Variants in YWHAG observed in about 807,000 individuals in gnomAD.
The protein encoded by YWHAG is tyrosine 3-monooxygenase/tryptophan 5-monooxygenase activation protein gamma, also known as 14-3-3 protein gamma.
A neutral mutation model predicts 23.3 loss-of-function variants in YWHAG; 1 was observed. The ratio of observed to expected loss-of-function variants is 0.04; its 90% CI spans 0.02 to 0.20. YWHAG has a LOEUF of 0.20. Among genes scored for constraint, YWHAG ranks in the 10% least tolerant of loss-of-function variants. The probability of loss-of-function intolerance (pLI) is 1.00; values close to 1 mark genes in which losing one functional copy is unlikely to be tolerated. For missense variants in YWHAG, 151 were observed against 338.6 expected, an observed-to-expected ratio of 0.45 and a Z score of 4.35; for synonymous variants, 160 against 144.0, an observed-to-expected ratio of 1.11 and a Z score of -0.80.
At chr7:76,332,368 G>T (rs529171204) in intron 1 of YWHAG, among the ~76,000 whole-genome samples, 1 of 152,136 alleles carries the variant, frequency 6.6e-6, no homozygotes, top group Non-Finnish European at 1.5e-5. Flanking sequence ...CACAAATAAC[G>T]GAAGATTGGG....
At chr7:76,353,875 C>A (rs78735221) in intron 1 of YWHAG, among the ~76,000 whole-genome samples, 1,896 of 151,770 alleles carry the variant, frequency 0.012, 41 homozygotes, top group African/African-American at 0.043. Flanking sequence ...TCAAGACCAG[C>A]CTGGACAACA....
At chr7:76,354,058 C>CA (rs750620902) in intron 1 of YWHAG, among the ~76,000 whole-genome samples, 9,652 of 48,874 alleles carry the variant, frequency 0.2, 811 homozygotes, top group African/African-American at 0.33. Context: ...GACCTTGCCT[C>CA]AAAAAAAAAA....
At chr7:76,334,558 G>C (rs1803590688) in intron 1 of YWHAG, among the ~76,000 whole-genome samples, 1 of 151,044 alleles carries the variant, frequency 6.6e-6, no homozygotes, top group African/African-American at 2.4e-5. Flanking sequence ...TGGGACTACA[G>C]GCATCTACCA....
At chr7:76,357,081 C>T (rs539229155) in intron 1 of YWHAG, among the ~76,000 whole-genome samples, 23 of 152,268 alleles carry the variant, frequency 1.5e-4, no homozygotes, top group African/African-American at 5.5e-4. Context: ...CTAAATAACA[C>T]GAACTGAAGA....
At chr7:76,352,394 C>G (rs1007159473) in intron 1 of YWHAG, among the ~76,000 whole-genome samples, 15 of 152,108 alleles carry the variant, frequency 9.9e-5, no homozygotes, top group African/African-American at 3.6e-4. Context: ...GGATCAGTGA[C>G]TCCTCTTCAG....
intron 1 of YWHAG, among the ~76,000 whole-genome samples, chr7:76,346,341 T>A (rs1241172242): frequency 6.6e-6 from 1 of 152,236 alleles, no homozygotes; most frequent in Non-Finnish European, 1.5e-5. Context: ...GTGACCTTTG[T>A]TCTGCATGGT....
intron 1 of YWHAG, among the ~76,000 whole-genome samples, chr7:76,351,585 T>C (rs1451018102): frequency 1.3e-5 from 2 of 152,144 alleles, no homozygotes; most frequent in Non-Finnish European, 2.9e-5. Flanking sequence ...CCACCTGAGC[T>C]CCGCCTCCTG....
chr7:76,330,689 T>A (rs1803529861), intron 1 of YWHAG, among the ~76,000 whole-genome samples: 1 of 152,312 alleles, frequency 6.6e-6, no homozygotes, highest in Admixed American at 6.5e-5. Context: ...GCCTTTCTGC[T>A]CATATGCCAA....
At chr7:76,340,816 G>C (rs1314475316) in intron 1 of YWHAG, among the ~76,000 whole-genome samples, 3 of 152,158 alleles carry the variant, frequency 2.0e-5, no homozygotes, top group Non-Finnish European at 4.4e-5. Context: ...TTTGTTAGCA[G>C]CATTATGACT....
intron 1 of YWHAG, among the ~76,000 whole-genome samples, chr7:76,334,959 A>C (rs572227809): frequency 1.3e-5 from 2 of 152,214 alleles, no homozygotes; most frequent in Admixed American, 6.5e-5. Context: ...GAAAATGTAG[A>C]AAGTTTCAGT....
chr7:76,354,147 G>A (rs1803915644), intron 1 of YWHAG, among the ~76,000 whole-genome samples: 1 of 149,258 alleles, frequency 6.7e-6, no homozygotes, highest in Non-Finnish European at 1.5e-5. Flanking sequence ...ACTTTCAAAA[G>A]AAGGCAAAGA....
chr7:76,347,497 A>G (rs918211077), intron 1 of YWHAG, among the ~76,000 whole-genome samples: 4 of 152,100 alleles, frequency 2.6e-5, no homozygotes, highest in Admixed American at 6.6e-5. Flanking sequence ...GCAGCAGGAG[A>G]ATCGCTTGAA....
intron 1 of YWHAG, among the ~76,000 whole-genome samples, chr7:76,338,815 G>A (rs1037468596): frequency 5.9e-5 from 9 of 152,178 alleles, no homozygotes; most frequent in African/African-American, 1.9e-4. Context: ...GTGACGGTGT[G>A]GGTAACAGGC....
At chr7:76,331,286 G>GGGAGGGGAGA (rs1554616749) in intron 1 of YWHAG, among the ~76,000 whole-genome samples, 8 of 150,188 alleles carry the variant, frequency 5.3e-5, no homozygotes, top group African/African-American at 2.0e-4. Flanking sequence ...GCTGGGGATG[G>GGGAGGGGAGA]GGAGAGGAGA....
intron 1 of YWHAG, among the ~76,000 whole-genome samples, chr7:76,337,141 TA>T (rs1277588765): frequency 2.0e-5 from 3 of 152,300 alleles, no homozygotes; most frequent in African/African-American, 4.8e-5. Context: ...AGAGTTAACA[TA>T]ATAGGCTTCA....
intron 1 of YWHAG, among the ~76,000 whole-genome samples, chr7:76,350,852 AAAGAG>A (rs1803862442): frequency 6.6e-6 from 1 of 152,204 alleles, no homozygotes; most frequent in African/African-American, 2.4e-5. Flanking sequence ...AAAAAAAAGA[AAAGAG>A]AAAAGAAAAA....
In YWHAG at chr7:76,358,860, G is replaced by C; in HGVS notation, c.-52C>G. ...AAGGAGGAGGACACTGGGGCGGCCT[G>C]AAGGGCTTGGAGGGCGCGACTGGAG... On this transcript the variant is annotated 5_prime_UTR_variant, in exon 1 of 2. Transcript: ENST00000307630. 6.5e-7 allele frequency: 1 copy of C among 1,542,720 alleles called. No individual in the cohort carries two copies. Among genetic ancestry groups the C allele is most frequent in the South Asian group, 1.2e-5 (1 of 84,172 alleles).
rs62476789 is a variant in YWHAG at position 76,358,544 on chromosome 7, G to A, written c.87+178C>T. Among the ~76,000 whole-genome samples, 1,031 of 152,296 alleles carry A rather than the reference G, an allele frequency of 6.8e-3. 9 individuals are homozygous for A. The highest frequency in any genetic ancestry group is 0.011 in the Non-Finnish European group (769 of 68,000). The stretch of plus-strand genomic sequence containing the variant: ...GGGGCCACGGGGACTCCGAAAAGAG[G>A]CCGCGTCACAGCCCGGGTTCCCGTC... On this transcript the variant is annotated intron_variant, in intron 1 of 1. Transcript: ENST00000307630.
Position 76,330,253 on chromosome 7 carries a change from G to T in YWHAG, c.88-20C>A. The T allele has an allele frequency of 6.2e-7, 1 of 1,603,562 alleles. No homozygotes were observed. On this transcript the variant is annotated intron_variant, in intron 1 of 1. Transcript: ENST00000307630. ...TGTCACCTGCCAGGAGGAAAGAACA[G>T]AGTTGTTATGGTACAGATGGTGTCC...
Sources: gnomAD v4.1 joint callset for allele counts (sites outside exome capture counted in the v4.1 genomes callset) on GRCh38, gnomAD v4.1.1 for gene constraint, MANE v1.5 for transcripts, NCBI Gene and HGNC (gene_info 2026-07-23, HGNC 2026-07-21) for gene names.